PLD1: variants seen among roughly 807,000 people sequenced by gnomAD.
PLD1 encodes phospholipase D1, also known as choline phosphatase 1.
In PLD1, 112 loss-of-function variants were observed where a neutral mutation model predicts 137.1. The ratio of observed to expected loss-of-function variants is 0.82; its 90% confidence interval spans 0.70 to 0.96. The LOEUF is 0.96. Ranked by LOEUF, PLD1 falls within the 40% of genes least tolerant of loss-of-function variation. The probability of loss-of-function intolerance (pLI) is 0.00; values close to 1 mark genes in which losing one functional copy is unlikely to be tolerated. For missense variants in PLD1, 1,321 were observed against 1,342.0 expected, an observed-to-expected ratio of 0.98 and a Z score of 0.24; for synonymous variants, 431 against 454.7, an observed-to-expected ratio of 0.95 and a Z score of 0.66.
At chr3:171,660,172 C>T (rs990399229) in intron 20 of PLD1, among the ~76,000 whole-genome samples, 11 of 152,160 alleles carry the variant, frequency 7.2e-5, no homozygotes, top group African/African-American at 2.4e-4. Flanking sequence ...TGTAACAACT[C>T]GTAATTATCA....
At chr3:171,636,318 G>A (rs1288807840) in intron 23 of PLD1, among the ~76,000 whole-genome samples, 6 of 152,042 alleles carry the variant, frequency 3.9e-5, no homozygotes, top group Non-Finnish European at 8.8e-5. Flanking sequence ...CAAAAAGGTA[G>A]TTGGGGTTTT....
chr3:171,707,377 C>A (rs1343975727), intron 11 of PLD1, among the ~76,000 whole-genome samples: 1 of 152,170 alleles, frequency 6.6e-6, no homozygotes, highest in Non-Finnish European at 1.5e-5. Context: ...TATTTTTAGT[C>A]TCTCTCACAT....
chr3:171,705,501 A>T (rs1270965236), intron 11 of PLD1, among the ~76,000 whole-genome samples: 1 of 152,176 alleles, frequency 6.6e-6, no homozygotes, highest in Non-Finnish European at 1.5e-5. Flanking sequence ...TTTAACTAGA[A>T]TGTACAAATA....
At position 171,665,981 on chromosome 3, in the gene PLD1, TTTACTAC is replaced by T. The variant is rs1449241364; in HGVS notation, c.2230-3818_2230-3812del. On this transcript the variant is annotated intron_variant, in intron 19 of 26. Transcript: ENST00000351298. ...GAAAATCACTTGGGATTGTTATTCATTTACTACTATTCTAATTAGTTAAAATCTCCCT... is the reference window on the plus strand; with the variant it reads ...GAAAATCACTTGGGATTGTTATTCATTATTCTAATTAGTTAAAATCTCCCT... Among the ~76,000 whole-genome samples, 14 of 152,374 alleles carry T rather than the reference TTTACTAC, an allele frequency of 9.2e-5. 1 individual carries two copies. The highest frequency in any genetic ancestry group is 4.6e-4 in the Admixed American group (7 of 15,308).
Position 171,738,415 on chromosome 3 carries a change from TC to T in PLD1, c.-31-334del, listed in dbSNP as rs1397417655. 5.3e-5 allele frequency among the ~76,000 whole-genome samples: 8 copies of T among 152,222 alleles called. No homozygotes were observed. The East Asian group carries it at 1.5e-3, about 29-fold the overall frequency. On this transcript the variant is annotated intron_variant, in intron 1 of 26. Transcript: ENST00000351298. ...GGGAGATTGGTTTGGGAAAGCTTATTCAGAGAAAGAAATAGATTATTTGCTG... is the reference window on the plus strand; with the variant it reads ...GGGAGATTGGTTTGGGAAAGCTTATTAGAGAAAGAAATAGATTATTTGCTG...
chr3:171,722,233 G>A (rs962036390), intron 8 of PLD1, among the ~76,000 whole-genome samples: 6 of 152,138 alleles, frequency 3.9e-5, no homozygotes, highest in East Asian at 1.9e-4. Context: ...TTGGTAAGAC[G>A]TAAGATATAA....
At chr3:171,808,261 G>T (rs575424573) in intron 1 of PLD1, among the ~76,000 whole-genome samples, 1 of 152,162 alleles carries the variant, frequency 6.6e-6, no homozygotes, top group Non-Finnish European at 1.5e-5. Context: ...ATAGGGTCGG[G>T]TGCAGTGGCT....
intron 6 of PLD1, among the ~76,000 whole-genome samples, chr3:171,726,809 C>A (rs1435284516): frequency 1.3e-5 from 2 of 152,130 alleles, no homozygotes; most frequent in African/African-American, 2.4e-5. Flanking sequence ...ATTTTTCATG[C>A]ATTATCTCAA....
chr3:171,612,182 AACCTAGGATG>A lies in PLD1; in HGVS notation c.2882+87_2882+96del. 9.5e-7 allele frequency: 1 copy of A among 1,054,712 alleles called. No individual in the cohort carries two copies. The highest frequency in any genetic ancestry group is 1.6e-5 in the African/African-American group (1 of 63,926). 65.3% of individuals were successfully genotyped at this position (1,054,712 alleles called of 1,614,324 possible). A position where few individuals can be genotyped will look rare whatever the true frequency, so the allele number is the denominator to read the frequency against. On this transcript the variant is annotated intron_variant, in intron 25 of 26. Coordinates refer to ENST00000351298, the MANE Select transcript of PLD1 (RefSeq NM_002662.5). The surrounding 1 kb of genome is among the most constrained non-coding windows in gnomAD (Gnocchi z 4.1). ...GGACACACTGTTTTAGATGAAGAAG[AACCTAGGATG>A]ACCCATGTGCTCAGGGCTAGCGGGG... is the stretch of plus-strand genomic sequence containing the variant.
rs35101789 is a variant in PLD1, at chr3:171,730,646, C to CTTTTTT, written c.606+2792_606+2797dup. 3.6e-4 allele frequency among the ~76,000 whole-genome samples: 49 copies of CTTTTTT among 134,986 alleles called. 2 individuals carry two copies. The highest frequency in any genetic ancestry group is 1.4e-3 in the African/African-American group (48 of 34,868). The allele number at this position is 134,986 out of a possible 152,430, so 88.6% of individuals were successfully genotyped here. A position where few individuals can be genotyped will look rare whatever the true frequency, so the allele number is the denominator to read the frequency against. On this transcript the variant is annotated intron_variant, in intron 6 of 26. Coordinates refer to ENST00000351298, the MANE Select transcript of PLD1 (RefSeq NM_002662.5). Reference sequence around the variant, plus strand: ...CACCTTTATAATAAATCTATCTCCACTTTTTTTTTTTTGGCAGAGTCTTCC... The same window carrying CTTTTTT: ...CACCTTTATAATAAATCTATCTCCACTTTTTTTTTTTTTTTTTTGGCAGAGTCTTCC...
chr3:171,655,989 T>C (rs987033327), intron 21 of PLD1, among the ~76,000 whole-genome samples: 6 of 152,166 alleles, frequency 3.9e-5, no homozygotes, highest in African/African-American at 1.4e-4. Flanking sequence ...GTCTTTAATG[T>C]GCTCTGTCAA....
At chr3:171,693,113 T>A (rs575086485) in intron 12 of PLD1, among the ~76,000 whole-genome samples, 31 of 152,282 alleles carry the variant, frequency 2.0e-4, no homozygotes, top group African/African-American at 6.5e-4. Flanking sequence ...GCCTATTTAA[T>A]CGAGTCAAAT....
chr3:171,742,643 C>A (rs918964179), intron 1 of PLD1, among the ~76,000 whole-genome samples: 3 of 151,988 alleles, frequency 2.0e-5, no homozygotes, highest in African/African-American at 7.2e-5. Context: ...TCTTGTTTTC[C>A]CATTTTTTCA....
At chr3:171,661,416 T>C in intron 20 of PLD1, among the ~76,000 whole-genome samples, 1 of 152,212 alleles carries the variant, frequency 6.6e-6, no homozygotes, top group Non-Finnish European at 1.5e-5. Context: ...CTCAGGGTTT[T>C]TCAAGTTCTC....
rs550278324 is a variant in PLD1, at chr3:171,787,639, C to G, written c.-32+22760G>C. ...AAAATAAAATTCAGGCCATTTTTCCCTTGTTAATATTCATGGTATGGTGTG... is the reference window on the plus strand; with the variant it reads ...AAAATAAAATTCAGGCCATTTTTCCGTTGTTAATATTCATGGTATGGTGTG... On this transcript the variant is annotated intron_variant, in intron 1 of 26. Coordinates refer to ENST00000351298, the MANE Select transcript of PLD1 (RefSeq NM_002662.5). 3.3e-5 allele frequency among the ~76,000 whole-genome samples: 5 copies of G among 152,112 alleles called. No homozygotes were observed. The South Asian group carries it at 1.0e-3, about 32-fold the overall frequency.
chr3:171,755,757 C>G (rs1720982167), intron 1 of PLD1, among the ~76,000 whole-genome samples: 1 of 152,210 alleles, frequency 6.6e-6, no homozygotes, highest in African/African-American at 2.4e-5. Context: ...TTGCCCATCA[C>G]TAGCATCTAC....
At chr3:171,768,888 G>A (rs570486824) in intron 1 of PLD1, among the ~76,000 whole-genome samples, 1 of 152,186 alleles carries the variant, frequency 6.6e-6, no homozygotes, top group Non-Finnish European at 1.5e-5. Context: ...AAATTAGATG[G>A]TATGTTATGA....
In PLD1 at chr3:171,699,770, A is replaced by G. The variant is rs1716078980; in HGVS notation, c.1202T>C (p.Leu401Ser). The change falls in exon 12 of 27, where the codon TTG becomes TCG. Residue 401 changes from leucine to serine, a missense_variant. Leu to Ser is a moderately radical substitution (Grantham distance 145). Transcript: ENST00000351298. ...RPVVEGNRWR[L>S]DCILKRKAQQ... ...TGCTTTTCGTTTAAGAATGCAGTCC[A>G]ACCTCCAACGATTTCCCTCAACCAC... 1 of 1,613,886 alleles carries G rather than the reference A, an allele frequency of 6.2e-7. No homozygotes were observed. Among genetic ancestry groups the G allele is most frequent in the Admixed American group, 1.7e-5 (1 of 60,024 alleles).
intron 22 of PLD1, 93 bp from the exon 23 acceptor site, chr3:171,642,982 A>G: frequency 1.4e-6 from 1 of 732,762 alleles, no homozygotes; most frequent in East Asian, 2.6e-5. Flanking sequence ...ACAAGTAAAA[A>G]CAGAACAAGT....
Sources: gnomAD v4.1 joint callset for allele counts (sites outside exome capture counted in the v4.1 genomes callset) on GRCh38, gnomAD v4.1.1 for gene constraint, Gnocchi (gnomAD v3.1) non-coding constraint, MANE v1.5 for transcripts, NCBI Gene and HGNC (gene_info 2026-07-23, HGNC 2026-07-21) for gene names.